The following EMSY variants were observed in gnomAD, a reference collection of about 807,000 sequenced individuals.
The protein encoded by EMSY is EMSY transcriptional repressor, BRCA2 interacting.
Under a neutral mutation model 134.6 loss-of-function variants are expected in EMSY, and 26 were observed. The ratio of observed to expected loss-of-function variants is 0.19; its 90% CI spans 0.14 to 0.27. The LOEUF (loss-of-function observed/expected upper bound fraction) is 0.27, where lower values mean the gene tolerates loss of function less well. Among genes scored for constraint, EMSY ranks in the 10% least tolerant of loss-of-function variants. EMSY has a pLI of 1.00. For synonymous variants in EMSY, 579 were observed against 577.8 expected, an observed-to-expected ratio of 1.00 and a Z score of -0.03; for missense variants, 1,305 against 1,611.4, an observed-to-expected ratio of 0.81 and a Z score of 3.26.
intron 6 of EMSY, chr11:76,460,667 T>G (rs527297063): frequency 6.6e-6 from 1 of 152,264 alleles, no homozygotes; most frequent in South Asian, 2.1e-4. Flanking sequence ...TGTTGCTTTA[T>G]ATATACATTT....
chr11:76,454,657 T>G, intron 4 of EMSY, 92 bp from the exon 5 acceptor site: 1 of 781,008 alleles, frequency 1.3e-6, no homozygotes, highest in Non-Finnish European at 2.0e-6. Flanking sequence ...TGGAAAGGTA[T>G]TGTGGGGCAA....
chr11:76,467,848 C>G lies in EMSY; in HGVS notation c.831+3768C>G, dbSNP rs78917146. On this transcript the variant is annotated intron_variant, in intron 7 of 20. Coordinates refer to ENST00000334736, the Ensembl canonical transcript of EMSY. Reference sequence around the variant, plus strand: ...TCCCTACTAAAAATACAAAATTAGCCGGGCGTGGTGGCACATGCTACTCGG... The same window carrying G: ...TCCCTACTAAAAATACAAAATTAGCGGGGCGTGGTGGCACATGCTACTCGG... Among the ~76,000 whole-genome samples the G allele has an allele frequency of 9.7e-3, 1,470 of 151,864 alleles. 26 individuals are homozygous for G. The highest frequency in any genetic ancestry group is 0.058 in the East Asian group (301 of 5,158).
chr11:76,451,201 A>G (rs1337748838), intron 2 of EMSY, among the ~76,000 whole-genome samples: 2 of 152,164 alleles, frequency 1.3e-5, no homozygotes, highest in Non-Finnish European at 2.9e-5. Context: ...AGATCATTTC[A>G]TGTTTATGTT....
chr11:76,537,033 G>A (rs1951248409), intron 15 of EMSY, among the ~76,000 whole-genome samples: 1 of 152,206 alleles, frequency 6.6e-6, no homozygotes, highest in African/African-American at 2.4e-5. Flanking sequence ...AGCATTTAAT[G>A]TAAGTCTTTG....
chr11:76,456,614 G>GT (rs1008430867), intron 4 of EMSY, among the ~76,000 whole-genome samples: 1 of 152,118 alleles, frequency 6.6e-6, no homozygotes, highest in African/African-American at 2.4e-5. Context: ...ACCATTCTTT[G>GT]TTTCAAAAGT....
intron 9 of EMSY, among the ~76,000 whole-genome samples, chr11:76,498,330 C>G (rs1025396846): frequency 1.3e-5 from 2 of 152,074 alleles, no homozygotes; most frequent in African/African-American, 4.8e-5. Context: ...TGTATATCAA[C>G]TAGATTCTGT....
Position 76,547,772 on chromosome 11 carries a change from A to T in EMSY, c.3774+1475A>T, listed in dbSNP as rs73495434. On this transcript the variant is annotated intron_variant, in intron 20 of 20. Transcript: ENST00000334736. ...ATCATTTTGAACAGCTTATTTGGGA[A>T]TTATTTTTCTGCACTTTATAAACAG... Among the ~76,000 whole-genome samples, 317 of 152,376 alleles carry T rather than the reference A, an allele frequency of 2.1e-3. 5 individuals are homozygous for T. Among genetic ancestry groups the T allele is most frequent in the African/African-American group, 7.2e-3 (300 of 41,598 alleles).
At position 76,540,401 on chromosome 11, in the gene EMSY, G is replaced by A. The variant is rs912460738; in HGVS notation, c.2557+761G>A. Among the ~76,000 whole-genome samples the A allele has an allele frequency of 4.6e-5, 7 of 150,754 alleles. No homozygotes were observed. The South Asian group carries it at 1.5e-3, about 32-fold the overall frequency. ...TGTAAACCTTGACTATCTTTTTTTC[G>A]ATTATGTTGAGCACATATGGAAGAT... On this transcript the variant is annotated intron_variant, in intron 17 of 20. Coordinates refer to ENST00000334736, the Ensembl canonical transcript of EMSY.
At chr11:76,448,162 T>C (rs959105429) in intron 2 of EMSY, among the ~76,000 whole-genome samples, 2 of 152,200 alleles carry the variant, frequency 1.3e-5, no homozygotes, top group Admixed American at 6.5e-5. Flanking sequence ...TAAATCTTTG[T>C]TGGGAATTTT....
exon 20 of EMSY, chr11:76,546,184 C>G (rs2136831481): frequency 6.2e-7 from 1 of 1,614,164 alleles, no homozygotes. Flanking sequence ...TGGCTCTTCC[C>G]TAACGACAAG....
At chr11:76,542,025 C>T (rs1951457779) in intron 17 of EMSY, 191 bp from the exon 19 acceptor site, 2 of 667,124 alleles carry the variant, frequency 3.0e-6, no homozygotes, top group Non-Finnish European at 5.2e-6. Context: ...GAAACAGTCT[C>T]AGAGAAGATA....
Position 76,463,146 on chromosome 11 carries a change from G to C in EMSY, c.572-675G>C, listed in dbSNP as rs138580653. 9.0e-3 allele frequency among the ~76,000 whole-genome samples: 1,368 copies of C among 151,750 alleles called. 20 individuals are homozygous for C. Among genetic ancestry groups the C allele is most frequent in the African/African-American group, 0.032 (1,304 of 41,340 alleles). On this transcript the variant is annotated intron_variant, in intron 6 of 20. Transcript: ENST00000334736. Reference sequence around the variant, plus strand: ...GCCTGGGCCAACATGGTGAAACCCTGTCTCTACTGAAAATATAAAAATTAG... The same window carrying C: ...GCCTGGGCCAACATGGTGAAACCCTCTCTCTACTGAAAATATAAAAATTAG...
At chr11:76,549,929 T>C in intron 20 of EMSY, 23 bp from the exon 22 acceptor site, 1 of 1,542,692 alleles carries the variant, frequency 6.5e-7, no homozygotes, top group Non-Finnish European at 8.8e-7. Flanking sequence ...ACCATAAAGA[T>C]TCTCCTGTGT....
At chr11:76,523,323 A>G in intron 12 of EMSY, 32 bp downstream of exon 13, 10 of 1,595,058 alleles carry the variant, frequency 6.3e-6, no homozygotes, top group Non-Finnish European at 8.5e-6. Flanking sequence ...AGACTTAGCA[A>G]TTCACAGAGG....
At chr11:76,471,044 AC>A (rs1213898984) in intron 7 of EMSY, among the ~76,000 whole-genome samples, 4 of 152,202 alleles carry the variant, frequency 2.6e-5, no homozygotes, top group Non-Finnish European at 4.4e-5. Flanking sequence ...TGTTGGCTTT[AC>A]CTTTGCAGTG....
At chr11:76,544,484 A>C (rs773056487) in exon 19 of EMSY, 1 of 1,614,114 alleles carries the variant, frequency 6.2e-7, no homozygotes, top group Non-Finnish European at 8.5e-7. Context: ...ACAGAAGCAG[A>C]CCATCCACCT....
chr11:76,460,316 GC>G (rs1450481624), intron 6 of EMSY: 29 of 427,820 alleles, frequency 6.8e-5, no homozygotes, highest in East Asian at 2.8e-4. Flanking sequence ...TGGGTAATCT[GC>G]CTTTGAACTG....
intron 2 of EMSY, among the ~76,000 whole-genome samples, chr11:76,448,487 T>C (rs1178285629): frequency 6.6e-6 from 1 of 152,150 alleles, no homozygotes; most frequent in African/African-American, 2.4e-5. Flanking sequence ...GTAGATTGAA[T>C]TGGGGTTTCT....
intron 11 of EMSY, among the ~76,000 whole-genome samples, chr11:76,518,908 C>CATT (rs1394947877): frequency 2.7e-5 from 4 of 150,374 alleles, no homozygotes; most frequent in African/African-American, 4.9e-5. Flanking sequence ...CTATGACGAA[C>CATT]ATTATTATAC....
Sources: gnomAD v4.1 joint callset for allele counts (sites outside exome capture counted in the v4.1 genomes callset) on GRCh38, gnomAD v4.1.1 for gene constraint, MANE v1.5 for transcripts, NCBI Gene and HGNC (gene_info 2026-07-23, HGNC 2026-07-21) for gene names.